ANO5: variants seen among roughly 807,000 people sequenced by gnomAD.
ANO5 encodes anoctamin-5.
A neutral mutation model predicts 121.0 loss-of-function variants in ANO5; 109 were observed. The ratio of observed to expected loss-of-function variants is 0.90; its 90% confidence interval spans 0.77 to 1.06. ANO5 has a LOEUF of 1.06. ANO5 is among the 50% of genes least tolerant of loss of function. The probability of loss-of-function intolerance (pLI) is 0.00; values close to 1 mark genes in which losing one functional copy is unlikely to be tolerated. For synonymous variants in ANO5, 406 were observed against 359.9 expected (o/e 1.13, Z -1.45); for missense variants, 1,064 against 1,078.5 (o/e 0.99, Z 0.19).
intron 2 of ANO5, among the ~76,000 whole-genome samples, chr11:22,208,864 A>T (rs1333093774): frequency 1.3e-5 from 2 of 152,010 alleles, no homozygotes; most frequent in Non-Finnish European, 2.9e-5. Context: ...ATGCTAAATT[A>T]TATTTTTTCT....
intron 5 of ANO5, among the ~76,000 whole-genome samples, chr11:22,221,648 T>C (rs538099004): frequency 1.3e-5 from 2 of 152,106 alleles, no homozygotes; most frequent in Non-Finnish European, 2.9e-5. Flanking sequence ...AGCTTATTTA[T>C]TCATGTTTTT....
Position 22,283,006 on chromosome 11 carries a change from T to C in ANO5, c.*3241T>C, listed in dbSNP as rs548621559. 3.9e-5 allele frequency: 6 copies of C among 152,364 alleles called. No individual in the cohort carries two copies. Among genetic ancestry groups the C allele is most frequent in the African/African-American group, 1.2e-4 (5 of 41,588 alleles). The allele number at this position is 152,364 out of a possible 1,614,324, so 9.4% of individuals were successfully genotyped here. A position where few individuals can be genotyped will look rare whatever the true frequency, so the allele number is the denominator to read the frequency against. Reference sequence around the variant, plus strand: ...TGTTATTCTTTTTCTAGACAAATTTTGACTCTTCTACTTTTATGTGTAATA... The same window carrying C: ...TGTTATTCTTTTTCTAGACAAATTTCGACTCTTCTACTTTTATGTGTAATA... On this transcript the variant is annotated 3_prime_UTR_variant, in exon 22 of 22. Coordinates refer to ENST00000324559, the MANE Select transcript of ANO5 (RefSeq NM_213599.3).
At chr11:22,209,505 A>G (rs1163076396) in intron 2 of ANO5, among the ~76,000 whole-genome samples, 1 of 151,900 alleles carries the variant, frequency 6.6e-6, no homozygotes, top group Non-Finnish European at 1.5e-5. Flanking sequence ...CTGAAACTAT[A>G]TAAATTGTTT....
intron 12 of ANO5, among the ~76,000 whole-genome samples, chr11:22,253,388 C>T (rs998060204): frequency 2.6e-5 from 4 of 152,092 alleles, no homozygotes; most frequent in Non-Finnish European, 5.9e-5. Context: ...TCTACTTCAG[C>T]ATTAACAAAC....
At chr11:22,199,741 T>C (rs1851910110) in intron 1 of ANO5, among the ~76,000 whole-genome samples, 1 of 152,128 alleles carries the variant, frequency 6.6e-6, no homozygotes, top group Non-Finnish European at 1.5e-5. Flanking sequence ...TTCACTCTGT[T>C]GTGATGTGTT....
chr11:22,198,005 T>C (rs1354340360), intron 1 of ANO5, among the ~76,000 whole-genome samples: 1 of 152,148 alleles, frequency 6.6e-6, no homozygotes, highest in East Asian at 1.9e-4. Flanking sequence ...TGAGGGAGTA[T>C]GAAAGTGTCT....
chr11:22,214,950 T>G (rs1564916323), intron 3 of ANO5, among the ~76,000 whole-genome samples: 2 of 151,942 alleles, frequency 1.3e-5, no homozygotes, highest in South Asian at 2.1e-4. Flanking sequence ...AACAAAATAG[T>G]GAAAAGTGAA....
chr11:22,202,575 A>G (rs1851997575), intron 1 of ANO5, among the ~76,000 whole-genome samples: 1 of 152,160 alleles, frequency 6.6e-6, no homozygotes, highest in Admixed American at 6.6e-5. Flanking sequence ...TACTGAACTC[A>G]GTGTCTGGTA....
intron 5 of ANO5, among the ~76,000 whole-genome samples, chr11:22,225,403 G>C (rs563550550): frequency 6.6e-6 from 1 of 152,170 alleles, no homozygotes; most frequent in African/African-American, 2.4e-5. Context: ...GCTATAATGG[G>C]CTGTGATCAC....
chr11:22,218,376 TG>T, intron 4 of ANO5, 89 bp downstream of exon 4: 1 of 1,514,700 alleles, frequency 6.6e-7, no homozygotes, highest in Non-Finnish European at 9.2e-7. Context: ...TACTTTGATT[TG>T]GGGGAACATT....
chr11:22,276,653 G>A (rs1301514478), intron 21 of ANO5, among the ~76,000 whole-genome samples: 1 of 151,600 alleles, frequency 6.6e-6, no homozygotes, highest in Non-Finnish European at 1.5e-5. Flanking sequence ...TGCCAAATGT[G>A]CCTCACTCCC....
In ANO5 at chr11:22,210,266, T is replaced by C. The variant is rs541632098; in HGVS notation, c.88-998T>C. ...AATATAGTGGTATGAAAATTGTACA[T>C]TTTCAAAATTATCTTTCATTCTCTT... On this transcript the variant is annotated intron_variant, in intron 2 of 21. Transcript: ENST00000324559. Among the ~76,000 whole-genome samples, 88 of 151,942 alleles carry C rather than the reference T, an allele frequency of 5.8e-4. 1 individual carries two copies. The South Asian group carries it at 0.017, about 29-fold the overall frequency.
intron 6 of ANO5, among the ~76,000 whole-genome samples, chr11:22,226,484 CA>C: frequency 6.6e-6 from 1 of 152,150 alleles, no homozygotes; most frequent in East Asian, 1.9e-4. Flanking sequence ...GAATTTCCTT[CA>C]AAATTGTTTT....
intron 1 of ANO5, among the ~76,000 whole-genome samples, chr11:22,202,707 C>T (rs1298070328): frequency 1.3e-5 from 2 of 152,148 alleles, no homozygotes; most frequent in African/African-American, 4.8e-5. Flanking sequence ...AAGAGCTCTG[C>T]ACCATGAGCA....
intron 1 of ANO5, 53 bp from the exon 2 acceptor site, chr11:22,203,751 T>C (rs1852031667): frequency 8.9e-7 from 1 of 1,129,142 alleles, no homozygotes; most frequent in African/African-American, 1.5e-5. Context: ...CTTTTGAATA[T>C]GTTCTGATCA....
intron 17 of ANO5, among the ~76,000 whole-genome samples, chr11:22,268,436 T>TA (rs148897014): frequency 0.13 from 20,142 of 151,952 alleles, 3,841 homozygotes; most frequent in African/African-American, 0.42. Context: ...GATATCTTTT[T>TA]AGAATATATA....
At chr11:22,217,798 G>A (rs1423577576) in intron 3 of ANO5, among the ~76,000 whole-genome samples, 1 of 150,924 alleles carries the variant, frequency 6.6e-6, no homozygotes, top group East Asian at 2.0e-4. Flanking sequence ...TGGGAGGAGG[G>A]AGAGAAGCAG....
At chr11:22,232,175 A>T (rs1228153988) in intron 7 of ANO5, among the ~76,000 whole-genome samples, 1 of 151,992 alleles carries the variant, frequency 6.6e-6, no homozygotes, top group Non-Finnish European at 1.5e-5. Flanking sequence ...TATTTGGGTG[A>T]TCAGTTAAGC....
intron 3 of ANO5, among the ~76,000 whole-genome samples, chr11:22,215,707 C>A (rs1392613478): frequency 6.6e-6 from 1 of 151,880 alleles, no homozygotes; most frequent in African/African-American, 2.4e-5. Flanking sequence ...ATTGGTTCTA[C>A]ATTAAATACA....
Sources: allele counts gnomAD v4.1 joint callset (sites outside exome capture counted in the v4.1 genomes callset), GRCh38; gene constraint gnomAD v4.1.1; transcripts MANE v1.5; gene names NCBI Gene and HGNC (gene_info 2026-07-23, HGNC 2026-07-21).